The following KIF6 variants were observed in gnomAD, a reference collection of about 807,000 sequenced individuals.
KIF6 encodes the protein kinesin-like protein KIF6.
In KIF6, 106 loss-of-function variants were observed where a neutral mutation model predicts 112.7. The observed-to-expected ratio is 0.94, with a 90% confidence interval of 0.80 to 1.11. KIF6 has a LOEUF of 1.11. Among genes scored for constraint, KIF6 ranks in the 50% least tolerant of loss-of-function variants. The probability of loss-of-function intolerance (pLI) is 0.00; values close to 1 mark genes in which losing one functional copy is unlikely to be tolerated. For synonymous variants in KIF6, 339 were observed against 339.9 expected (o/e 1.00, Z 0.03); for missense variants, 929 against 964.0 (o/e 0.96, Z 0.48).
At chr6:39,632,077 T>C (rs1376959052) in intron 5 of KIF6, among the ~76,000 whole-genome samples, 1 of 152,104 alleles carries the variant, frequency 6.6e-6, no homozygotes, top group Non-Finnish European at 1.5e-5. Context: ...AAAAAGCAAA[T>C]GACTTTAGTT....
intron 9 of KIF6, among the ~76,000 whole-genome samples, chr6:39,582,065 T>C (rs11755951): frequency 0.076 from 11,636 of 152,248 alleles, 503 homozygotes; most frequent in South Asian, 0.17. Flanking sequence ...CATCAATCTA[T>C]ACAGAATGAA....
intron 13 of KIF6, among the ~76,000 whole-genome samples, chr6:39,457,560 C>CA (rs754015949): frequency 5.3e-5 from 8 of 151,282 alleles, no homozygotes; most frequent in South Asian, 2.1e-4. Flanking sequence ...AAAAACCCTT[C>CA]AAAAAATCAA....
chr6:39,420,472 C>T (rs958405488), intron 14 of KIF6, among the ~76,000 whole-genome samples: 1 of 152,078 alleles, frequency 6.6e-6, no homozygotes, highest in African/African-American at 2.4e-5. Flanking sequence ...ATAAAGTTGC[C>T]CTGGAACACC....
chr6:39,670,412 C>T (rs1786742049), intron 3 of KIF6, among the ~76,000 whole-genome samples: 1 of 152,098 alleles, frequency 6.6e-6, no homozygotes, highest in Non-Finnish European at 1.5e-5. Context: ...CCAATTTCCA[C>T]AAATTTTGTA....
At chr6:39,562,905 A>AT in intron 10 of KIF6, among the ~76,000 whole-genome samples, 1 of 152,204 alleles carries the variant, frequency 6.6e-6, no homozygotes, top group Non-Finnish European at 1.5e-5. Context: ...TTGCCTGATC[A>AT]TAAAGTAATG....
intron 15 of KIF6, among the ~76,000 whole-genome samples, chr6:39,390,446 G>T (rs1279570961): frequency 6.6e-6 from 1 of 152,200 alleles, no homozygotes; most frequent in Non-Finnish European, 1.5e-5. Context: ...GAGCAAGGGT[G>T]TTAAGGTGCG....
chr6:39,555,677 G>T (rs1779666735), intron 10 of KIF6, among the ~76,000 whole-genome samples: 3 of 152,108 alleles, frequency 2.0e-5, no homozygotes, highest in Non-Finnish European at 1.5e-5. Context: ...ATGAGGCCGG[G>T]TGCAGTGGCT....
chr6:39,446,538 G>C (rs572049165), intron 13 of KIF6, among the ~76,000 whole-genome samples: 16 of 152,226 alleles, frequency 1.1e-4, no homozygotes, highest in African/African-American at 3.6e-4. Flanking sequence ...TTGTTGCCCA[G>C]GCTGGAGTGC....
At chr6:39,367,858 G>A (rs1254400955) in intron 16 of KIF6, among the ~76,000 whole-genome samples, 14 of 152,100 alleles carry the variant, frequency 9.2e-5, no homozygotes, top group Admixed American at 8.5e-4. Flanking sequence ...TCAACTGGGG[G>A]TGCACATCAG....
chr6:39,400,685 T>C (rs575685121), intron 15 of KIF6, among the ~76,000 whole-genome samples: 1 of 152,308 alleles, frequency 6.6e-6, no homozygotes, highest in Admixed American at 6.5e-5. Flanking sequence ...TCTGAATCCA[T>C]TCAGCTTCAT....
chr6:39,527,505 C>G (rs1361878591), intron 13 of KIF6, among the ~76,000 whole-genome samples: 3 of 151,988 alleles, frequency 2.0e-5, no homozygotes, highest in Non-Finnish European at 4.4e-5. Flanking sequence ...TGGTGGTTCT[C>G]TTACAACCAA....
In KIF6 at chr6:39,451,350, G is replaced by C. The variant is rs563165632; in HGVS notation, c.1646-20189C>G. 2.0e-5 allele frequency among the ~76,000 whole-genome samples: 3 copies of C among 152,294 alleles called. No homozygotes were observed. The East Asian group carries it at 5.8e-4, about 29-fold the overall frequency. ...ATGATGGGGCAGGCTATTTTACTGA[G>C]GGAGAATACAGGAAGGTCTCTCTGA... On this transcript the variant is annotated intron_variant, in intron 13 of 22. Coordinates refer to ENST00000287152, the MANE Select transcript of KIF6 (RefSeq NM_145027.6).
chr6:39,590,447 A>ATTT lies in KIF6; in HGVS notation c.847-4044_847-4043insAAA, dbSNP rs1432756577. 4.8e-4 allele frequency among the ~76,000 whole-genome samples: 55 copies of ATTT among 114,352 alleles called. 2 individuals carry two copies. Among genetic ancestry groups the ATTT allele is most frequent in the African/African-American group, 1.7e-3 (43 of 25,580 alleles). 75.0% of individuals were successfully genotyped at this position (114,352 alleles called of 152,430 possible). Reference sequence around the variant, plus strand: ...TGTGTGTGTATATATATATATATATATATATTTTTTTTTTTTTTTTGAGAT... The same window carrying ATTT: ...TGTGTGTGTATATATATATATATATATTTTATATTTTTTTTTTTTTTTTGAGAT... On this transcript the variant is annotated intron_variant, in intron 7 of 22. Transcript: ENST00000287152.
chr6:39,355,797 T>A (rs1365527100), intron 19 of KIF6, among the ~76,000 whole-genome samples: 1 of 144,258 alleles, frequency 6.9e-6, no homozygotes, highest in African/African-American at 2.6e-5. Context: ...TTTTTTTTTT[T>A]TAAAGAATAG....
intron 13 of KIF6, among the ~76,000 whole-genome samples, chr6:39,509,802 A>G (rs1776657299): frequency 1.3e-5 from 2 of 152,184 alleles, no homozygotes; most frequent in Non-Finnish European, 2.9e-5. Context: ...GTTAGAAAAC[A>G]CTCTTCAGGA....
intron 19 of KIF6, among the ~76,000 whole-genome samples, chr6:39,349,951 G>T (rs1305743508): frequency 2.0e-5 from 3 of 152,064 alleles, no homozygotes; most frequent in Non-Finnish European, 2.9e-5. Context: ...GGCCTAATTT[G>T]TGGCTCTTTG....
At chr6:39,524,532 T>G (rs1248422292) in intron 13 of KIF6, among the ~76,000 whole-genome samples, 1 of 152,186 alleles carries the variant, frequency 6.6e-6, no homozygotes, top group Non-Finnish European at 1.5e-5. Flanking sequence ...AAGTACTCAC[T>G]GTCAAGCCTA....
At position 39,343,537 on chromosome 6, in the gene KIF6, G is replaced by A; in HGVS notation, c.2428+172C>T. On this transcript the variant is annotated intron_variant, in intron 22 of 22. Coordinates refer to ENST00000287152, the MANE Select transcript of KIF6 (RefSeq NM_145027.6). The surrounding 1 kb of genome is among the most constrained non-coding windows in gnomAD (Gnocchi z 4.1). ...GGTGTTTCTGATGCTGCCCCTTGAG[G>A]CTTTCTCGAGAAGGAATCAGAGGCT... The A allele has an allele frequency of 7.2e-7, 1 of 1,397,758 alleles. No homozygotes were observed. Among genetic ancestry groups the A allele is most frequent in the African/African-American group, 1.4e-5 (1 of 69,882 alleles). The allele number at this position is 1,397,758 out of a possible 1,614,324, so 86.6% of individuals were successfully genotyped here. A position where few individuals can be genotyped will look rare whatever the true frequency, so the allele number is the denominator to read the frequency against.
rs537016772 is a variant in KIF6 at position 39,631,709 on chromosome 6, TTTTTTTTG to T, written c.509+3132_509+3139del. ...CATGAGAGATATCAGTCTGTAGTTT[TTTTTTTTG>T]TTTTTTTGTTTTTTTTGTACAATCT... On this transcript the variant is annotated intron_variant, in intron 5 of 22. Transcript: ENST00000287152. Among the ~76,000 whole-genome samples the T allele has an allele frequency of 3.6e-4, 53 of 148,778 alleles. 1 individual carries two copies. The South Asian group carries it at 0.011, about 30-fold the overall frequency.
Sources: gnomAD v4.1 joint callset for allele counts (sites outside exome capture counted in the v4.1 genomes callset) on GRCh38, gnomAD v4.1.1 for gene constraint, Gnocchi (gnomAD v3.1) non-coding constraint, MANE v1.5 for transcripts, NCBI Gene and HGNC (gene_info 2026-07-23, HGNC 2026-07-21) for gene names.